The following MEGF6 variants were observed in gnomAD, a reference collection of about 807,000 sequenced individuals.
The protein encoded by MEGF6 is multiple epidermal growth factor-like domains protein 6.
MEGF6 carries 184 observed loss-of-function variants against 207.1 expected under a neutral mutation model. That is an observed-to-expected ratio of 0.89 (90% CI 0.79 to 1.00). The LOEUF (loss-of-function observed/expected upper bound fraction) is 1.00. Ranked by LOEUF, MEGF6 falls within the 50% of genes least tolerant of loss-of-function variation. MEGF6 has a pLI of 0.00. For missense variants in MEGF6, 2,282 were observed against 2,202.9 expected, an observed-to-expected ratio of 1.04 and a Z score of -0.72; for synonymous variants, 1,038 against 910.0, an observed-to-expected ratio of 1.14 and a Z score of -2.53.
At chr1:3,576,726 TCAGCCCTGCACACTCCACCCTGCATGCC>T (rs1290386422) in intron 4 of MEGF6, among the ~76,000 whole-genome samples, 1 of 143,116 alleles carries the variant, frequency 7.0e-6, no homozygotes, top group Non-Finnish European at 1.5e-5. Flanking sequence ...TCCTGCACCC[TCAGCCCTGCACACTCCACCCTGCATGCC>T]CAGCCCTGCA....
At chr1:3,558,526 G>A (rs146542848) in intron 4 of MEGF6, among the ~76,000 whole-genome samples, 3 of 152,188 alleles carry the variant, frequency 2.0e-5, no homozygotes, top group East Asian at 1.9e-4. Context: ...TTCCTGCCCC[G>A]ACTTCCCTTT....
At chr1:3,533,402 C>T (rs767401161) in intron 4 of MEGF6, among the ~76,000 whole-genome samples, 44 of 152,356 alleles carry the variant, frequency 2.9e-4, no homozygotes, top group Non-Finnish European at 2.6e-4. Context: ...GACAGGCTGA[C>T]GGGCCTGTTT....
chr1:3,550,735 G>A (rs1358491073), intron 4 of MEGF6, among the ~76,000 whole-genome samples: 1 of 152,240 alleles, frequency 6.6e-6, no homozygotes, highest in Non-Finnish European at 1.5e-5. Flanking sequence ...CCCAACCGGG[G>A]CAGGGCTCCG....
intron 4 of MEGF6, chr1:3,531,061 A>G: frequency 6.7e-7 from 1 of 1,495,340 alleles, no homozygotes; most frequent in East Asian, 2.8e-5. Context: ...CGCCCTGCCC[A>G]GGCTCGCCCG....
In MEGF6 at chr1:3,509,199, C is replaced by A; in HGVS notation, c.1404G>T (p.Val468=). Residue 468 remains valine (V), a synonymous_variant, in exon 12 of 37, where the codon GTG becomes GTT. Transcript: ENST00000356575. Reference sequence around the variant, plus strand: ...GCACGGCAATGTGGGGCAGGGGCCGCACGAAAGGCAGCTCGCCGTCCAGGT... The same window carrying A: ...GCACGGCAATGTGGGGCAGGGGCCGAACGAAAGGCAGCTCGCCGTCCAGGT... The part of the protein sequence containing the change: ...MVDLDGELPF[V]RPLPHIAVLQ... 6.4e-7 allele frequency: 1 copy of A among 1,565,268 alleles called. No individual in the cohort carries two copies. The highest frequency in any genetic ancestry group is 8.7e-7 in the Non-Finnish European group (1 of 1,155,392).
At position 3,490,955 on chromosome 1, in the gene MEGF6, C is replaced by T. The variant is rs1418332220; in HGVS notation, c.4521G>A (p.Gly1507=). ...GYMGPTCREG[G]PLRLPENPSL... ...ACGGGTTCTCGGGGAGCCGGAGGGG[C>T]CCACCTGGAGGGGAGAGAGAGCAGG... is the stretch of plus-strand genomic sequence containing the variant. The change falls in exon 36 of 37, where the codon GGG becomes GGA. Residue 1507 remains glycine (G), a synonymous_variant. Coordinates refer to ENST00000356575, the MANE Select transcript of MEGF6 (RefSeq NM_001409.4). 6.2e-7 allele frequency: 1 copy of T among 1,600,068 alleles called. No homozygotes were observed. Among genetic ancestry groups the T allele is most frequent in the Non-Finnish European group, 8.5e-7 (1 of 1,175,732 alleles).
intron 3 of MEGF6, among the ~76,000 whole-genome samples, chr1:3,581,737 C>T (rs1186178412): frequency 6.6e-6 from 1 of 152,178 alleles, no homozygotes; most frequent in Non-Finnish European, 1.5e-5. Context: ...CTGCCCTCCC[C>T]AGGCTCTGCT....
rs376109370 is a variant in MEGF6, at chr1:3,506,591, G to A, written c.1790-355C>T. Among the ~76,000 whole-genome samples, 53 of 152,302 alleles carry A rather than the reference G, an allele frequency of 3.5e-4. 1 individual carries two copies. The highest frequency in any genetic ancestry group is 1.0e-3 in the African/African-American group (43 of 41,554). On this transcript the variant is annotated intron_variant, in intron 14 of 36. Coordinates refer to ENST00000356575, the MANE Select transcript of MEGF6 (RefSeq NM_001409.4). ...AAGCTTGATCTCAGAGCCTCAAAGC[G>A]GGAAGGACACGTGGCCCCAGTAGAC...
At chr1:3,493,144 C>CCCCTCCTATCCTCAGGTGGGT (rs1640443082) in intron 34 of MEGF6, 1 of 281,736 alleles carries the variant, frequency 3.5e-6, no homozygotes, top group East Asian at 8.2e-5. Context: ...AGCAGGTGAG[C>CCCCTCCTATCCTCAGGTGGGT]CCCTCCTATC....
intron 17 of MEGF6, 66 bp downstream of exon 17, chr1:3,505,142 C>T: frequency 1.9e-6 from 3 of 1,576,084 alleles, no homozygotes; most frequent in East Asian, 2.2e-5. Context: ...AGCCTACCCT[C>T]CAGCCAGGCA....
At chr1:3,497,158 C>T (rs745444241) in intron 27 of MEGF6, 39 bp from the exon 28 acceptor site, 9 of 1,543,608 alleles carry the variant, frequency 5.8e-6, no homozygotes, top group South Asian at 4.9e-5. Context: ...GGCCCAGCCC[C>T]GCCAAGGAAC....
intron 4 of MEGF6, among the ~76,000 whole-genome samples, chr1:3,579,394 T>C (rs1643736173): frequency 6.6e-6 from 1 of 152,224 alleles, no homozygotes; most frequent in African/African-American, 2.4e-5. Context: ...ACAGCTGTGC[T>C]GCGGTTACTC....
chr1:3,595,541 C>CTGTATT, intron 2 of MEGF6, 94 bp from the exon 3 acceptor site: 1 of 1,095,850 alleles, frequency 9.1e-7, no homozygotes. Flanking sequence ...TCTGCGTCAG[C>CTGTATT]CGGGTTCCCG....
Position 3,575,557 on chromosome 1 carries a change from G to A in MEGF6, c.481+4268C>T, listed in dbSNP as rs182949343. 1.6e-3 allele frequency among the ~76,000 whole-genome samples: 246 copies of A among 152,324 alleles called. 2 individuals are homozygous for A. Among genetic ancestry groups the A allele is most frequent in the African/African-American group, 1.1e-3 (44 of 41,558 alleles). On this transcript the variant is annotated intron_variant, in intron 4 of 36. Coordinates refer to ENST00000356575, the MANE Select transcript of MEGF6 (RefSeq NM_001409.4). Reference sequence around the variant, plus strand: ...ACTGGGCAATTTACAAAAGAAAGAGGTTTAATGGACTTACAGTTCCACGTG... The same window carrying A: ...ACTGGGCAATTTACAAAAGAAAGAGATTTAATGGACTTACAGTTCCACGTG...
In MEGF6 at chr1:3,495,992, T is replaced by C. The variant is rs756022112; in HGVS notation, c.3769A>G (p.Asn1257Asp). ...CCACACCCACACACGTGGGTGCAGTTGGGGCCGAAGCGGCCCTGCGGACAG... is the reference window on the plus strand; with the variant it reads ...CCACACCCACACACGTGGGTGCAGTCGGGGCCGAAGCGGCCCTGCGGACAG... ...LTCPQGRFGPNCTHVCGCGQG... is the reference protein window; with the variant it reads ...LTCPQGRFGPDCTHVCGCGQG... The change falls in exon 30 of 37, where the codon AAC (asparagine) becomes GAC (aspartate). Residue 1257 changes from asparagine to aspartate, a missense_variant. By Grantham distance (23) the Asn-to-Asp change is conservative. Transcript: ENST00000356575. The C allele has an allele frequency of 6.4e-7, 1 of 1,551,478 alleles. No individual in the cohort carries two copies. The highest frequency in any genetic ancestry group is 8.7e-7 in the Non-Finnish European group (1 of 1,155,986).
chr1:3,606,307 C>T lies in MEGF6; in HGVS notation c.132-3707G>A, dbSNP rs543025302. On this transcript the variant is annotated intron_variant, in intron 1 of 36. Coordinates refer to ENST00000356575, the MANE Select transcript of MEGF6 (RefSeq NM_001409.4). ...GACTCTGGGGGTGGGGCCCAGCATT[C>T]CTCGGGGTGGGAAGGATTGCGTGTG... 9.8e-5 allele frequency among the ~76,000 whole-genome samples: 15 copies of T among 152,320 alleles called. 1 individual carries two copies. In the South Asian group the frequency reaches 2.1e-3, roughly 21 times the overall value.
intron 25 of MEGF6, 31 bp downstream of exon 25, chr1:3,498,667 G>T (rs1207059044): frequency 1.3e-6 from 2 of 1,534,630 alleles, no homozygotes; most frequent in East Asian, 2.4e-5. Context: ...GCATGCTGGG[G>T]TATGTCCCTC....
intron 4 of MEGF6, among the ~76,000 whole-genome samples, chr1:3,578,049 CTGACG>C (rs1643691211): frequency 6.6e-6 from 1 of 152,204 alleles, no homozygotes; most frequent in Admixed American, 6.5e-5. Flanking sequence ...GAGGAGGGGA[CTGACG>C]GTGGGCAGAA....
In MEGF6 at chr1:3,496,994, G is replaced by A; in HGVS notation, c.3607C>T (p.Gln1203Ter). 1 of 1,549,592 alleles carries A rather than the reference G, an allele frequency of 6.5e-7. No individual in the cohort carries two copies. The highest frequency in any genetic ancestry group is 8.7e-7 in the Non-Finnish European group (1 of 1,147,240). ...CAAGYHGPSC[Q>*]QRCPPGRYGP... The stretch of plus-strand genomic sequence containing the variant: ...GGGCACGGGCAGCACTCACGTTGCT[G>A]GCAGCTGGGGCCGTGGTAGCCAGCA... The change falls in exon 28 of 37, where the codon CAG (glutamine) becomes TAG (stop). Residue 1203 changes from glutamine (Q) to a stop codon, truncating the protein, a stop_gained. Coordinates refer to ENST00000356575, the MANE Select transcript of MEGF6 (RefSeq NM_001409.4). LOFTEE classifies it high-confidence loss of function.
Sources: allele counts gnomAD v4.1 joint callset (sites outside exome capture counted in the v4.1 genomes callset), GRCh38; gene constraint gnomAD v4.1.1; transcripts MANE v1.5; gene names NCBI Gene and HGNC (gene_info 2026-07-23, HGNC 2026-07-21).